Variants in PSG6 observed in about 807,000 individuals in gnomAD.
PSG6 encodes the protein pregnancy-specific beta-1-glycoprotein 6.
PSG6 carries 51 observed loss-of-function variants against 43.3 expected under a neutral mutation model. The observed-to-expected ratio is 1.18, with a 90% CI of 0.94 to 1.49. The LOEUF (loss-of-function observed/expected upper bound fraction) is 1.49. PSG6 is among the 40% of genes most tolerant of loss of function. PSG6 has a pLI of 0.00. For missense variants in PSG6, 770 were observed against 522.2 expected, an observed-to-expected ratio of 1.47 and a Z score of -4.62; for synonymous variants, 292 against 197.6, an observed-to-expected ratio of 1.48 and a Z score of -4.01.
rs1055695614 is a variant in PSG6, at chr19:42,904,854, G to A, written c.1240+2068C>T. Among the ~76,000 whole-genome samples the A allele has an allele frequency of 2.0e-5, 3 of 151,656 alleles. No homozygotes were observed. The South Asian group carries it at 6.3e-4, about 32-fold the overall frequency. On this transcript the variant is annotated intron_variant, in intron 5 of 5. Transcript: ENST00000187910. Reference sequence around the variant, plus strand: ...CACAGCTTTGAAGAGGAAGAATGAAGCTGGAGGACTCACACTTCCTGATTT... The same window carrying A: ...CACAGCTTTGAAGAGGAAGAATGAAACTGGAGGACTCACACTTCCTGATTT...
intron 2 of PSG6, among the ~76,000 whole-genome samples, chr19:42,913,120 C>G (rs1218631757): frequency 6.6e-6 from 1 of 151,542 alleles, no homozygotes; most frequent in Non-Finnish European, 1.5e-5. Context: ...TCTGTGCGGT[C>G]TATCAGTAAG....
chr19:42,902,473 G>C, intron 5 of PSG6, 27 bp from the exon 6 acceptor site: 1 of 1,607,432 alleles, frequency 6.2e-7, no homozygotes, highest in Non-Finnish European at 8.5e-7. Context: ...CCAGGTCAGC[G>C]CATTTCAAAT....
At chr19:42,913,783 A>C (rs1430942419) in intron 2 of PSG6, among the ~76,000 whole-genome samples, 1 of 151,640 alleles carries the variant, frequency 6.6e-6, no homozygotes, top group African/African-American at 2.4e-5. Context: ...TGGCTCAGCC[A>C]GTCATGTGGC....
chr19:42,917,074 T>TA, intron 1 of PSG6, among the ~76,000 whole-genome samples: 1 of 129,320 alleles, frequency 7.7e-6, no homozygotes, highest in East Asian at 2.5e-4. Context: ...ATGCCCTGGG[T>TA]GTTTTTTTTC....
chr19:42,908,022 C>G (rs1972152286), intron 3 of PSG6, 168 bp from the exon 4 acceptor site: 1 of 1,113,472 alleles, frequency 9.0e-7, no homozygotes. Flanking sequence ...GGCTCAAAGA[C>G]TGTGAGGCCT....
chr19:42,917,389 A>C (rs1199386041), intron 1 of PSG6, among the ~76,000 whole-genome samples: 1 of 114,706 alleles, frequency 8.7e-6, no homozygotes, highest in South Asian at 2.9e-4. Context: ...TTTGAAATGG[A>C]GTCTCGTACT....
intron 3 of PSG6, among the ~76,000 whole-genome samples, chr19:42,909,266 G>A (rs1421294360): frequency 6.6e-6 from 1 of 151,360 alleles, no homozygotes; most frequent in Non-Finnish European, 1.5e-5. Flanking sequence ...TTCCATAGTG[G>A]CCATGCTGCA....
At chr19:42,907,942 C>T (rs944250034) in intron 3 of PSG6, 88 bp from the exon 4 acceptor site, 21 of 1,545,026 alleles carry the variant, frequency 1.4e-5, no homozygotes, top group Non-Finnish European at 1.8e-5. Context: ...TCCCACCTGT[C>T]AACCCACATG....
In PSG6 at chr19:42,916,468, C is replaced by A; in HGVS notation, c.84G>T (p.Trp28Cys). The change falls in exon 2 of 6, where the codon TGG becomes TGT. Residue 28 changes from tryptophan to cysteine, a missense_variant. Trp to Cys is a radical substitution (Grantham distance 215). Coordinates refer to ENST00000187910, the MANE Select transcript of PSG6 (RefSeq NM_001031850.4). The part of the protein sequence containing the change: ...LLLTASLLNF[W>C]NLPTTAQVII... ...TTACTTGGGCAGTGGTGGGCAGGTT[C>A]CAGAAGTTTAAAAGTGATGCTAGGA... The A allele has an allele frequency of 3.1e-6, 5 of 1,610,874 alleles. 1 individual carries two copies. The highest frequency in any genetic ancestry group is 4.2e-6 in the Non-Finnish European group (5 of 1,178,576).
rs1972208022 is a variant in PSG6 at position 42,910,773 on chromosome 19, C to T, written c.513G>A (p.Glu171=). 1 of 1,612,382 alleles carries T rather than the reference C, an allele frequency of 6.2e-7. No homozygotes were observed. Among genetic ancestry groups the T allele is most frequent in the East Asian group, 2.2e-5 (1 of 44,790 alleles). ...MEAVRLICDP[E]TPDASYLWLL... The stretch of plus-strand genomic sequence containing the variant: ...ACCACAGGTAGCTTGCATCCGGAGT[C>T]TCAGGATCACAGATTAAGCGCACAG... The change falls in exon 3 of 6, where the codon GAG becomes GAA. Residue 171 remains glutamate (E), a synonymous_variant. Transcript: ENST00000187910.
rs914867415 is a variant in PSG6, at chr19:42,902,603, C to T, written c.1241-157G>A. On this transcript the variant is annotated intron_variant, in intron 5 of 5. Coordinates refer to ENST00000187910, the MANE Select transcript of PSG6 (RefSeq NM_001031850.4). ...ATGGGTGACTGGTTGGAGGATTCCT[C>T]ATCAGCCTTGCAAAAACTCTTAGAA... is the stretch of plus-strand genomic sequence containing the variant. Among the ~76,000 whole-genome samples, 8 of 151,772 alleles carry T rather than the reference C, an allele frequency of 5.3e-5. 1 individual carries two copies. Among genetic ancestry groups the T allele is most frequent in the African/African-American group, 1.4e-4 (6 of 41,408 alleles).
intron 5 of PSG6, 55 bp from the exon 6 acceptor site, chr19:42,902,501 G>C (rs1483818847): frequency 6.3e-7 from 1 of 1,598,114 alleles, no homozygotes; most frequent in African/African-American, 1.3e-5. Flanking sequence ...CTCCTTTACA[G>C]AGAAAGCTTC....
At chr19:42,911,872 G>A (rs961275947) in intron 2 of PSG6, among the ~76,000 whole-genome samples, 3 of 151,488 alleles carry the variant, frequency 2.0e-5, no homozygotes, top group African/African-American at 7.3e-5. Context: ...GGGAATCAGA[G>A]ATTAGAATAG....
chr19:42,905,471 A>G (rs1219557027), intron 5 of PSG6, among the ~76,000 whole-genome samples: 2 of 151,710 alleles, frequency 1.3e-5, no homozygotes. Context: ...TGCATTGCTG[A>G]TGGGAATGGG....
rs748802067 is a variant in PSG6 at position 42,910,764 on chromosome 19, A to T, written c.522T>A (p.Asp174Glu). 4.4e-5 allele frequency: 71 copies of T among 1,612,280 alleles called. No homozygotes were observed. The Admixed American group carries it at 1.1e-3, about 25-fold the overall frequency. Reference protein sequence around the residue: ...VRLICDPETPDASYLWLLNGQ... With the variant: ...VRLICDPETPEASYLWLLNGQ... ...CATTCAGCAACCACAGGTAGCTTGC[A>T]TCCGGAGTCTCAGGATCACAGATTA... Residue 174 changes from aspartate to glutamate, a missense_variant, in exon 3 of 6, where the codon GAT becomes GAA. Asp to Glu is a conservative substitution (Grantham distance 45). Transcript: ENST00000187910.
rs1972331793 is a variant in PSG6 at position 42,916,360 on chromosome 19, G to A, written c.192C>T (p.Gly64=). 1 of 1,612,194 alleles carries A rather than the reference G, an allele frequency of 6.2e-7. No homozygotes were observed. The highest frequency in any genetic ancestry group is 8.5e-7 in the Non-Finnish European group (1 of 1,179,148). Residue 64 remains glycine (G), a synonymous_variant, in exon 2 of 6, where the codon GGC becomes GGT. Transcript: ENST00000187910. ...TCATTTGCCCTTTGTACCAGATGTA[G>A]CCAGTAAGATTCTGGGGCAAATTGT... ...LVHNLPQNLT[G]YIWYKGQMTD... is the part of the protein sequence containing the mutation.
intron 2 of PSG6, among the ~76,000 whole-genome samples, chr19:42,915,031 G>A (rs1972298642): frequency 6.6e-6 from 1 of 151,594 alleles, no homozygotes; most frequent in African/African-American, 2.4e-5. Flanking sequence ...AGGTTTGGAT[G>A]CCTAAGAAGA....
At chr19:42,913,391 C>A (rs564148484) in intron 2 of PSG6, among the ~76,000 whole-genome samples, 1 of 151,738 alleles carries the variant, frequency 6.6e-6, no homozygotes, top group African/African-American at 2.4e-5. Flanking sequence ...ACCTTGTGCC[C>A]GCCTCAGCCT....
chr19:42,906,018 T>C (rs952228451), intron 5 of PSG6, among the ~76,000 whole-genome samples: 1 of 151,586 alleles, frequency 6.6e-6, no homozygotes, highest in African/African-American at 2.4e-5. Context: ...CAACACTAAA[T>C]TGCACACTTA....
Sources: gnomAD v4.1 joint callset for allele counts (sites outside exome capture counted in the v4.1 genomes callset) on GRCh38, gnomAD v4.1.1 for gene constraint, MANE v1.5 for transcripts, NCBI Gene and HGNC (gene_info 2026-07-23, HGNC 2026-07-21) for gene names.